Variants in ZFAT observed in about 807,000 individuals in gnomAD.
ZFAT encodes the protein zinc finger and AT-hook domain containing.
ZFAT carries 64 observed loss-of-function variants against 117.7 expected under a neutral mutation model. That is an observed-to-expected ratio of 0.54 (90% confidence interval 0.44 to 0.67). The LOEUF (loss-of-function observed/expected upper bound fraction) is 0.67. ZFAT is among the 30% of genes least tolerant of loss of function. ZFAT has a pLI of 0.00. For synonymous variants in ZFAT, 679 were observed against 615.0 expected, an observed-to-expected ratio of 1.10 and a Z score of -1.54; for missense variants, 1,433 against 1,584.5, an observed-to-expected ratio of 0.90 and a Z score of 1.62.
chr8:134,669,918 C>CA (rs1361699380), intron 1 of ZFAT, among the ~76,000 whole-genome samples: 3 of 152,098 alleles, frequency 2.0e-5, no homozygotes, highest in Admixed American at 2.0e-4. Flanking sequence ...ATCTACCAAG[C>CA]AAATGGACAA....
chr8:134,770,798 G>C, the ZFAT span, among the ~76,000 whole-genome samples: 2 of 152,136 alleles, frequency 1.3e-5, no homozygotes. Flanking sequence ...CTGCGGGTAG[G>C]TCTCTAAACT....
At chr8:134,587,395 G>GTC (rs1159605899) in intron 9 of ZFAT, among the ~76,000 whole-genome samples, 1 of 152,040 alleles carries the variant, frequency 6.6e-6, no homozygotes, top group East Asian at 1.9e-4. Flanking sequence ...TGAACCACTG[G>GTC]TCTCTCTCTC....
intron 9 of ZFAT, 74 bp from the exon 10 acceptor site, chr8:134,584,079 T>A (rs1825897295): frequency 7.2e-7 from 1 of 1,391,620 alleles, no homozygotes; most frequent in African/African-American, 1.5e-5. Flanking sequence ...TGAAGGAATA[T>A]ATATATCCAT....
Position 134,601,850 on chromosome 8 carries a change from T to C in ZFAT, c.1869A>G (p.Ser623=). 3 of 1,612,458 alleles carry C rather than the reference T, an allele frequency of 1.9e-6. No individual in the cohort carries two copies. Among genetic ancestry groups the C allele is most frequent in the Non-Finnish European group, 2.5e-6 (3 of 1,178,896 alleles). The change falls in exon 6 of 16, where the codon TCA becomes TCG. Residue 623 remains serine, a synonymous_variant. Coordinates refer to ENST00000377838, the MANE Select transcript of ZFAT (RefSeq NM_020863.4). ...TGATCACTTCACCTTGCGTCTGGAC[T>C]GAGCTTCTGTGCTGCATGTCTGGGG... The part of the protein sequence containing the change: ...EKPPDMQHRS[S]VQTQGEVITL...
chr8:134,573,505 T>C (rs1039578139), intron 10 of ZFAT, among the ~76,000 whole-genome samples: 2 of 152,120 alleles, frequency 1.3e-5, no homozygotes, highest in African/African-American at 4.8e-5. Context: ...CCCTGTAGTT[T>C]TCAGTTAGAC....
At chr8:134,550,709 C>T (rs1045288370) in intron 11 of ZFAT, among the ~76,000 whole-genome samples, 1 of 152,076 alleles carries the variant, frequency 6.6e-6, no homozygotes, top group East Asian at 1.9e-4. Context: ...TCCAGAGGTG[C>T]TTTAAACATC....
rs372291946 is a variant in ZFAT, at chr8:134,657,682, C to T, written c.75G>A (p.Ser25=). Residue 25 remains serine, a synonymous_variant, in exon 2 of 16, where the codon TCG becomes TCA. Coordinates refer to ENST00000377838, the MANE Select transcript of ZFAT (RefSeq NM_020863.4). ...KCCNLFSPNQ[S]ELLSHVSEKH... Reference sequence around the variant, plus strand: ...TCTCTGAAACGTGGGAGAGGAGTTCCGACTGATTTGGTGAGAAGAGGTTAC... The same window carrying T: ...TCTCTGAAACGTGGGAGAGGAGTTCTGACTGATTTGGTGAGAAGAGGTTAC... The T allele has an allele frequency of 2.7e-5, 43 of 1,614,024 alleles. No homozygotes were observed. The highest frequency in any genetic ancestry group is 2.0e-4 in the African/African-American group (15 of 74,966).
At chr8:134,704,519 G>A (rs1253503921) in intron 1 of ZFAT, among the ~76,000 whole-genome samples, 2 of 152,120 alleles carry the variant, frequency 1.3e-5, no homozygotes, top group Non-Finnish European at 2.9e-5. Context: ...CTACAGCCTG[G>A]ACTGCACTAG....
At chr8:134,818,609 A>G in the ZFAT span, among the ~76,000 whole-genome samples, 1 of 152,242 alleles carries the variant, frequency 6.6e-6, no homozygotes, top group Non-Finnish European at 1.5e-5. Context: ...TGCCCAGAGA[A>G]ATGAAAAGTT....
At chr8:134,513,255 T>C (rs562448664) in intron 13 of ZFAT, among the ~76,000 whole-genome samples, 43 of 149,338 alleles carry the variant, frequency 2.9e-4, no homozygotes, top group African/African-American at 1.0e-3. Flanking sequence ...TGGAGCGCGG[T>C]GGCGCGATCT....
chr8:134,748,636 G>A, the ZFAT span, among the ~76,000 whole-genome samples: 4 of 152,108 alleles, frequency 2.6e-5, no homozygotes, highest in Non-Finnish European at 5.9e-5. Context: ...ACTATACAAC[G>A]CGACACTGTT....
At chr8:134,590,809 CCACCAT>C (rs1359317892) in intron 7 of ZFAT, among the ~76,000 whole-genome samples, 2 of 142,070 alleles carry the variant, frequency 1.4e-5, no homozygotes, top group African/African-American at 5.1e-5. Flanking sequence ...ACCACCACCA[CCACCAT>C]CAACATCACC....
At chr8:134,772,924 A>G in the ZFAT span, among the ~76,000 whole-genome samples, 28 of 151,404 alleles carry the variant, frequency 1.8e-4, 2 homozygotes, top group African/African-American at 6.6e-4. Flanking sequence ...AAAGAACAAA[A>G]CAACAACAAC....
intron 3 of ZFAT, among the ~76,000 whole-genome samples, chr8:134,628,990 G>T (rs887131803): frequency 6.6e-6 from 1 of 152,260 alleles, no homozygotes; most frequent in Non-Finnish European, 1.5e-5. Context: ...CAAACCACTG[G>T]TGTACACAGA....
intron 15 of ZFAT, among the ~76,000 whole-genome samples, chr8:134,485,371 C>A (rs1341648997): frequency 6.6e-6 from 1 of 152,190 alleles, no homozygotes; most frequent in Non-Finnish European, 1.5e-5. Flanking sequence ...GCATTTGACC[C>A]CAGCACAGTC....
chr8:134,781,835 G>A, the ZFAT span, among the ~76,000 whole-genome samples: 1 of 152,090 alleles, frequency 6.6e-6, no homozygotes, highest in Non-Finnish European at 1.5e-5. Context: ...ACTTAATGAA[G>A]TGTAAATATA....
chr8:134,831,095 C>A, the ZFAT span, among the ~76,000 whole-genome samples: 1 of 152,192 alleles, frequency 6.6e-6, no homozygotes, highest in Non-Finnish European at 1.5e-5. Flanking sequence ...TTGATGGTAT[C>A]CAAAGCTTAT....
At position 134,637,555 on chromosome 8, in the gene ZFAT, A is replaced by G; in HGVS notation, c.354T>C (p.Cys118=). Residue 118 remains cysteine (C), a synonymous_variant, in exon 3 of 16, where the codon TGT becomes TGC. Transcript: ENST00000377838. ...GNSLPPSSLE[C]SKCCRKFSNT... ...TGGAGAACTTCCGACAGCACTTGCT[A>G]CACTCCAAGCTGCTTGGAGGCAGGC... The G allele has an allele frequency of 6.2e-7, 1 of 1,614,234 alleles. No homozygotes were observed. The highest frequency in any genetic ancestry group is 8.5e-7 in the Non-Finnish European group (1 of 1,180,044).
At chr8:134,526,329 G>A (rs942301846) in intron 12 of ZFAT, among the ~76,000 whole-genome samples, 6 of 152,166 alleles carry the variant, frequency 3.9e-5, no homozygotes, top group Non-Finnish European at 7.3e-5. Flanking sequence ...AATCTAGACT[G>A]AATGTATAAC....
Sources: allele counts gnomAD v4.1 joint callset (sites outside exome capture counted in the v4.1 genomes callset), GRCh38; gene constraint gnomAD v4.1.1; transcripts MANE v1.5; gene names NCBI Gene and HGNC (gene_info 2026-07-23, HGNC 2026-07-21).